ZSCAN25: variants seen among roughly 807,000 people sequenced by gnomAD.
ZSCAN25 encodes zinc finger and SCAN domain containing 25.
A neutral mutation model predicts 38.7 loss-of-function variants in ZSCAN25; 27 were observed. That is an observed-to-expected ratio of 0.70 (90% confidence interval 0.51 to 0.96). The LOEUF is 0.96. Ranked by LOEUF, ZSCAN25 falls within the 40% of genes least tolerant of loss-of-function variation. ZSCAN25 has a pLI of 0.00. For synonymous variants in ZSCAN25, 273 were observed against 277.7 expected, an observed-to-expected ratio of 0.98 and a Z score of 0.17; for missense variants, 637 against 705.9, an observed-to-expected ratio of 0.90 and a Z score of 1.11.
the ZSCAN25 span, chr7:99,660,061 C>A: frequency 3.0e-6 from 1 of 332,880 alleles, no homozygotes; most frequent in East Asian, 1.7e-4. Flanking sequence ...GGGTGCACTG[C>A]ACCCACTGTC....
the ZSCAN25 span, among the ~76,000 whole-genome samples, chr7:99,679,197 A>G: frequency 6.6e-6 from 1 of 152,158 alleles, no homozygotes; most frequent in Non-Finnish European, 1.5e-5. Flanking sequence ...TGTGTATGAC[A>G]GGGTGGAGGA....
At chr7:99,719,860 TG>T in the ZSCAN25 span, among the ~76,000 whole-genome samples, 2 of 152,022 alleles carry the variant, frequency 1.3e-5, no homozygotes, top group African/African-American at 4.8e-5. Flanking sequence ...TAGTAGGGCG[TG>T]GTGGTGCAAC....
the ZSCAN25 span, chr7:99,676,297 G>A: frequency 6.3e-7 from 1 of 1,596,110 alleles, no homozygotes; most frequent in Non-Finnish European, 8.6e-7. Flanking sequence ...GAATGGTCAA[G>A]AGAGGGAGGT....
At chr7:99,710,722 G>A in the ZSCAN25 span, 124 of 1,613,752 alleles carry the variant, frequency 7.7e-5, 1 homozygote, top group East Asian at 1.4e-3. Flanking sequence ...TCCATGTACT[G>A]TCCACTCACC....
At chr7:99,697,555 CA>C in the ZSCAN25 span, among the ~76,000 whole-genome samples, 1 of 152,188 alleles carries the variant, frequency 6.6e-6, no homozygotes, top group Non-Finnish European at 1.5e-5. Context: ...CTGTTGATAG[CA>C]AAAGGTACAG....
chr7:99,672,645 T>G, the ZSCAN25 span: 1 of 1,614,162 alleles, frequency 6.2e-7, no homozygotes, highest in Non-Finnish European at 8.5e-7. Context: ...TCGGGATCTG[T>G]GATGGCCAGC....
chr7:99,687,453 G>T, the ZSCAN25 span, among the ~76,000 whole-genome samples: 1 of 152,290 alleles, frequency 6.6e-6, no homozygotes. Flanking sequence ...GAAATAAAGC[G>T]AGAAGGGAAG....
the ZSCAN25 span, among the ~76,000 whole-genome samples, chr7:99,702,819 T>C: frequency 1.3e-5 from 2 of 152,362 alleles, no homozygotes; most frequent in South Asian, 2.1e-4. Flanking sequence ...GCATTGAATC[T>C]GTACATTGCT....
At chr7:99,723,421 T>G in the ZSCAN25 span, among the ~76,000 whole-genome samples, 1 of 152,192 alleles carries the variant, frequency 6.6e-6, no homozygotes, top group South Asian at 2.1e-4. Context: ...ACTGCAACTT[T>G]CCACTGCTTA....
At chr7:99,652,532 CA>C in the ZSCAN25 span, 3 of 1,565,478 alleles carry the variant, frequency 1.9e-6, no homozygotes, top group Non-Finnish European at 2.6e-6. Flanking sequence ...GGGTGAGCTC[CA>C]TTTCCCTGGA....
At chr7:99,716,733 A>C in the ZSCAN25 span, among the ~76,000 whole-genome samples, 1 of 152,130 alleles carries the variant, frequency 6.6e-6, no homozygotes, top group Admixed American at 6.5e-5. Flanking sequence ...TTAGTATTCT[A>C]CTGATACCCT....
At chr7:99,627,304 C>T (rs1354862354) in intron 7 of ZSCAN25, among the ~76,000 whole-genome samples, 2 of 152,080 alleles carry the variant, frequency 1.3e-5, no homozygotes, top group East Asian at 1.9e-4. Flanking sequence ...GTCAGCTTTC[C>T]CCAAGATCTA....
the ZSCAN25 span, among the ~76,000 whole-genome samples, chr7:99,697,193 C>T: frequency 6.6e-6 from 1 of 152,276 alleles, no homozygotes; most frequent in East Asian, 1.9e-4. Context: ...CTCTGCACAT[C>T]AAGTATCTCT....
chr7:99,688,012 C>T, the ZSCAN25 span, among the ~76,000 whole-genome samples: 3 of 152,128 alleles, frequency 2.0e-5, no homozygotes, highest in Admixed American at 6.5e-5. Context: ...AAAAGAGCTC[C>T]TGAAGGAAGC....
the ZSCAN25 span, chr7:99,638,614 G>A: frequency 1.3e-6 from 2 of 1,583,494 alleles, no homozygotes; most frequent in Non-Finnish European, 1.7e-6. Context: ...GTAAGTCACT[G>A]TCTCCACGTT....
chr7:99,736,332 G>A, the ZSCAN25 span, among the ~76,000 whole-genome samples: 5 of 152,300 alleles, frequency 3.3e-5, no homozygotes, highest in South Asian at 1.0e-3. Context: ...CTCCAATGAG[G>A]TGGTCCCAGC....
the ZSCAN25 span, among the ~76,000 whole-genome samples, chr7:99,658,248 C>T: frequency 1.3e-5 from 2 of 152,184 alleles, no homozygotes; most frequent in African/African-American, 4.8e-5. Flanking sequence ...TTTAGTGCTT[C>T]CTTCAAGAGC....
chr7:99,655,945 G>A, the ZSCAN25 span, among the ~76,000 whole-genome samples: 1 of 152,190 alleles, frequency 6.6e-6, no homozygotes, highest in Non-Finnish European at 1.5e-5. Context: ...CTGATACTTT[G>A]CTGAAGTTGT....
the ZSCAN25 span, chr7:99,722,461 G>C: frequency 4.5e-6 from 6 of 1,332,360 alleles, no homozygotes; most frequent in East Asian, 7.6e-5. Flanking sequence ...CTGGCAGTTA[G>C]AGGAAGCTTA....
Sources: gnomAD v4.1 joint callset for allele counts (sites outside exome capture counted in the v4.1 genomes callset) on GRCh38, gnomAD v4.1.1 for gene constraint, MANE v1.5 for transcripts, NCBI Gene and HGNC (gene_info 2026-07-23, HGNC 2026-07-21) for gene names.